ATF7IP: variants seen among roughly 807,000 people sequenced by gnomAD.
ATF7IP encodes activating transcription factor 7 interacting protein, also known as activating transcription factor 7-interacting protein 1.
ATF7IP carries 23 observed loss-of-function variants against 106.4 expected under a neutral mutation model. That is an observed-to-expected ratio of 0.22 (90% confidence interval 0.16 to 0.31). The LOEUF (loss-of-function observed/expected upper bound fraction) is 0.31. ATF7IP is among the 10% of genes least tolerant of loss of function. The probability of loss-of-function intolerance (pLI) is 1.00; values close to 1 mark genes in which losing one functional copy is unlikely to be tolerated. For missense variants in ATF7IP, 1,334 were observed against 1,524.3 expected (o/e 0.88, Z 2.08); for synonymous variants, 542 against 539.0 (o/e 1.01, Z -0.08).
chr12:14,390,188 A>G (rs974836144), intron 1 of ATF7IP, among the ~76,000 whole-genome samples: 1 of 152,244 alleles, frequency 6.6e-6, no homozygotes, highest in Non-Finnish European at 1.5e-5. Flanking sequence ...TTAAATATCT[A>G]AAATATAACT....
At chr12:14,437,579 G>A (rs1335242445) in intron 4 of ATF7IP, among the ~76,000 whole-genome samples, 1 of 152,092 alleles carries the variant, frequency 6.6e-6, no homozygotes, top group Non-Finnish European at 1.5e-5. Context: ...CCCATAATGA[G>A]AATATGGAAC....
At chr12:14,433,684 A>G (rs1318495133) in intron 2 of ATF7IP, among the ~76,000 whole-genome samples, 2 of 151,988 alleles carry the variant, frequency 1.3e-5, no homozygotes, top group African/African-American at 4.8e-5. Flanking sequence ...AAAAAAAAAG[A>G]AAAGAAAATT....
intron 13 of ATF7IP, among the ~76,000 whole-genome samples, chr12:14,488,995 G>A (rs554122148): frequency 1.7e-4 from 26 of 152,292 alleles, no homozygotes; most frequent in South Asian, 4.1e-4. Flanking sequence ...CATGGTAGTA[G>A]CTGGTATTGA....
intron 1 of ATF7IP, among the ~76,000 whole-genome samples, chr12:14,396,215 C>T (rs1379335833): frequency 6.6e-6 from 1 of 152,060 alleles, no homozygotes; most frequent in East Asian, 1.9e-4. Flanking sequence ...GCTCTCTGCT[C>T]TTTCCCTCCC....
chr12:14,372,105 C>G (rs1219820644), intron 1 of ATF7IP, among the ~76,000 whole-genome samples: 1 of 152,106 alleles, frequency 6.6e-6, no homozygotes. Context: ...TTTTAAACTT[C>G]TTGCTTGTTT....
chr12:14,478,559 AAATTAATATTCATCTTGTT>A, intron 12 of ATF7IP, 87 bp downstream of exon 12: 1 of 1,450,892 alleles, frequency 6.9e-7, no homozygotes, highest in South Asian at 1.2e-5. Context: ...ATAAGACAGA[AAATTAATATTCATCTTGTT>A]AATTTGAGGA....
At chr12:14,400,611 G>C (rs140521076) in intron 1 of ATF7IP, among the ~76,000 whole-genome samples, 1 of 151,524 alleles carries the variant, frequency 6.6e-6, no homozygotes, top group South Asian at 2.1e-4. Flanking sequence ...TTTTGTTTTT[G>C]TATTTTCTAT....
intron 1 of ATF7IP, among the ~76,000 whole-genome samples, chr12:14,409,018 T>C (rs753518182): frequency 6.6e-6 from 1 of 152,082 alleles, no homozygotes; most frequent in Non-Finnish European, 1.5e-5. Context: ...CACATCATCA[T>C]GATATCAGCA....
At chr12:14,442,465 C>T (rs1342743738) in intron 5 of ATF7IP, among the ~76,000 whole-genome samples, 1 of 152,098 alleles carries the variant, frequency 6.6e-6, no homozygotes, top group Non-Finnish European at 1.5e-5. Flanking sequence ...CAATCGAGTC[C>T]TGTTACAACA....
Position 14,374,272 on chromosome 12 carries a change from A to ATTTT in ATF7IP, c.-8+8463_-8+8466dup, listed in dbSNP as rs563859251. On this transcript the variant is annotated intron_variant, in intron 1 of 14. Coordinates refer to ENST00000261168, the MANE Select transcript of ATF7IP (RefSeq NM_018179.5). ...GCCACCAAACCCAGCTAATTTTGTA[A>ATTTT]TTTTTTTTTTTTTTTTTTTTTGTGG... Among the ~76,000 whole-genome samples, 154 of 105,330 alleles carry ATTTT rather than the reference A, an allele frequency of 1.5e-3. 3 individuals carry two copies. Among genetic ancestry groups the ATTTT allele is most frequent in the Middle Eastern group, 6.9e-3 (1 of 144 alleles). 69.1% of individuals were successfully genotyped at this position (105,330 alleles called of 152,430 possible).
intron 8 of ATF7IP, among the ~76,000 whole-genome samples, chr12:14,459,467 A>G (rs2136716158): frequency 6.6e-6 from 1 of 152,342 alleles, no homozygotes; most frequent in Non-Finnish European, 1.5e-5. Flanking sequence ...TACTGTAAGC[A>G]TGTGATGAAG....
intron 6 of ATF7IP, among the ~76,000 whole-genome samples, chr12:14,449,196 CAT>C (rs1449091001): frequency 1.3e-5 from 2 of 152,072 alleles, no homozygotes; most frequent in African/African-American, 2.4e-5. Flanking sequence ...CTATTAGTGT[CAT>C]ATACAAAAGA....
intron 1 of ATF7IP, among the ~76,000 whole-genome samples, chr12:14,372,275 T>C (rs755409674): frequency 1.3e-5 from 2 of 152,102 alleles, no homozygotes; most frequent in Non-Finnish European, 2.9e-5. Flanking sequence ...ATGATTCAGC[T>C]TGCATGGTGG....
chr12:14,434,749 C>T (rs1329158439), intron 3 of ATF7IP, among the ~76,000 whole-genome samples: 8 of 152,120 alleles, frequency 5.3e-5, no homozygotes, highest in Admixed American at 2.6e-4. Flanking sequence ...TATGGGCTAA[C>T]GTAAGTGAAT....
At chr12:14,427,795 G>C (rs945382952) in intron 2 of ATF7IP, among the ~76,000 whole-genome samples, 25 of 152,052 alleles carry the variant, frequency 1.6e-4, no homozygotes, top group African/African-American at 6.0e-4. Context: ...TATCATAATA[G>C]ATCTAGAGTC....
chr12:14,485,658 C>G lies in ATF7IP; in HGVS notation c.3280+4473C>G, dbSNP rs545037841. Among the ~76,000 whole-genome samples, 45 of 152,266 alleles carry G rather than the reference C, an allele frequency of 3.0e-4. No individual in the cohort carries two copies. In the South Asian group the frequency reaches 9.3e-3, roughly 32 times the overall value. On this transcript the variant is annotated intron_variant, in intron 13 of 14. Coordinates refer to ENST00000261168, the MANE Select transcript of ATF7IP (RefSeq NM_018179.5). ...TAAGACAGTAAAGGTATATTGCTGT[C>G]TTTGCCCACTGAAGGCAAATTGCTT...
chr12:14,493,344 A>G (rs146193883), intron 13 of ATF7IP, among the ~76,000 whole-genome samples: 3,314 of 152,220 alleles, frequency 0.022, 81 homozygotes, highest in African/African-American at 0.061. Context: ...CACACCTTCA[A>G]CCTCACCTCT....
At chr12:14,413,560 T>C (rs1216715175) in intron 1 of ATF7IP, among the ~76,000 whole-genome samples, 1 of 152,224 alleles carries the variant, frequency 6.6e-6, no homozygotes, top group Non-Finnish European at 1.5e-5. Context: ...GGGTGTCTGC[T>C]TTACCTTACC....
At chr12:14,490,677 A>G (rs1478266625) in intron 13 of ATF7IP, among the ~76,000 whole-genome samples, 5 of 152,180 alleles carry the variant, frequency 3.3e-5, no homozygotes, top group Non-Finnish European at 5.9e-5. Context: ...AAGTGATCAC[A>G]GGGACTCCCC....
Sources: allele counts gnomAD v4.1 joint callset (sites outside exome capture counted in the v4.1 genomes callset), GRCh38; gene constraint gnomAD v4.1.1; transcripts MANE v1.5; gene names NCBI Gene and HGNC (gene_info 2026-07-23, HGNC 2026-07-21).